The following BMP7 variants were observed in gnomAD, a reference collection of about 807,000 sequenced individuals.
BMP7 encodes osteogenic protein 1.
BMP7 carries 12 observed loss-of-function variants against 41.2 expected under a neutral mutation model. That is an observed-to-expected ratio of 0.29 (90% confidence interval 0.19 to 0.47). The LOEUF (loss-of-function observed/expected upper bound fraction) is 0.47. Ranked by LOEUF, BMP7 falls within the 20% of genes least tolerant of loss-of-function variation. The probability of loss-of-function intolerance (pLI) is 0.99; values close to 1 mark genes in which losing one functional copy is unlikely to be tolerated. For missense variants in BMP7, 467 were observed against 606.0 expected (o/e 0.77, Z 2.41); for synonymous variants, 248 against 250.0 (o/e 0.99, Z 0.07).
Position 57,259,214 on chromosome 20 carries a change from C to T in BMP7, c.418+6491G>A, listed in dbSNP as rs904365734. 1.3e-5 allele frequency among the ~76,000 whole-genome samples: 2 copies of T among 151,870 alleles called. No individual in the cohort carries two copies. The highest frequency in any genetic ancestry group is 2.9e-5 in the Non-Finnish European group (2 of 67,974). On this transcript the variant is annotated intron_variant, in intron 1 of 6. Transcript: ENST00000395863. This position sits in a 1 kb window ranked among gnomAD's most constrained non-coding sequence, Gnocchi z 4.7. ...TTACACGGCAGTGAAGCCCCCAATC[C>T]CCCACCCCATATATCACCCAGAATT...
intron 2 of BMP7, among the ~76,000 whole-genome samples, chr20:57,226,732 C>T (rs2066008006): frequency 6.6e-6 from 1 of 152,186 alleles, no homozygotes. Flanking sequence ...TCAGGGACCA[C>T]CTCAGCAGGG....
At chr20:57,256,246 A>C (rs913733921) in intron 1 of BMP7, among the ~76,000 whole-genome samples, 8 of 152,224 alleles carry the variant, frequency 5.3e-5, no homozygotes, top group Non-Finnish European at 1.0e-4. Context: ...CAATCATGGG[A>C]GTTCACTAGC....
chr20:57,200,595 G>C (rs1330782257), intron 3 of BMP7, among the ~76,000 whole-genome samples: 1 of 152,178 alleles, frequency 6.6e-6, no homozygotes, highest in Non-Finnish European at 1.5e-5. Flanking sequence ...CCAGTTGGAA[G>C]GTTTCCCCAA....
intron 1 of BMP7, among the ~76,000 whole-genome samples, chr20:57,247,593 C>A (rs1998190): frequency 0.59 from 89,480 of 152,078 alleles, 29,075 homozygotes; most frequent in African/African-American, 0.88. Context: ...AAGCAGAAGG[C>A]ATATAGGTGC....
At chr20:57,232,883 ACACACACACACACAC>A (rs2123121734) in intron 1 of BMP7, among the ~76,000 whole-genome samples, 1 of 151,942 alleles carries the variant, frequency 6.6e-6, no homozygotes, top group African/African-American at 2.4e-5. Context: ...ACACACACAC[ACACACACACACACAC>A]AAATAAGCAG....
At chr20:57,210,084 C>G (rs1034296659) in intron 2 of BMP7, among the ~76,000 whole-genome samples, 5 of 152,162 alleles carry the variant, frequency 3.3e-5, no homozygotes, top group Non-Finnish European at 7.3e-5. Flanking sequence ...CAGGCTGTTT[C>G]TGATTAAAGA....
At position 57,213,237 on chromosome 20, in the gene BMP7, C is replaced by T. The variant is rs759370815; in HGVS notation, c.612-10614G>A. Among the ~76,000 whole-genome samples the T allele has an allele frequency of 3.3e-5, 5 of 152,218 alleles. No individual in the cohort carries two copies. Among genetic ancestry groups the T allele is most frequent in the Admixed American group, 2.6e-4 (4 of 15,282 alleles). ...GTCAGGAAGATGCCCGTCCAGCACC[C>T]GGAGGCCAGCGTTGTCACAGTCAGA... is the stretch of plus-strand genomic sequence containing the variant. On this transcript the variant is annotated intron_variant, in intron 2 of 6. Transcript: ENST00000395863. The surrounding 1 kb of genome is among the most constrained non-coding windows in gnomAD (Gnocchi z 4.4).
At chr20:57,255,750 A>G (rs1392709813) in intron 1 of BMP7, among the ~76,000 whole-genome samples, 1 of 138,534 alleles carries the variant, frequency 7.2e-6, no homozygotes, top group Non-Finnish European at 1.5e-5. Flanking sequence ...CAGTGAGTGG[A>G]GATCATGCCA....
At chr20:57,250,688 C>G (rs894092718) in intron 1 of BMP7, among the ~76,000 whole-genome samples, 3 of 151,984 alleles carry the variant, frequency 2.0e-5, no homozygotes, top group African/African-American at 7.3e-5. Context: ...TATTGATGTG[C>G]TTTTTTTGGA....
intron 1 of BMP7, among the ~76,000 whole-genome samples, chr20:57,258,803 T>C (rs1411680022): frequency 6.6e-6 from 1 of 152,196 alleles, no homozygotes; most frequent in Non-Finnish European, 1.5e-5. Flanking sequence ...TAAAATAACA[T>C]GGGCAGTTTA....
At chr20:57,227,016 G>A (rs11697021) in intron 2 of BMP7, among the ~76,000 whole-genome samples, 25,827 of 151,900 alleles carry the variant, frequency 0.17, 2,535 homozygotes, top group East Asian at 0.33. Context: ...TAGTAGAGAC[G>A]GGGTTTCACC....
intron 1 of BMP7, among the ~76,000 whole-genome samples, chr20:57,260,522 G>A (rs1296164034): frequency 1.3e-5 from 2 of 152,206 alleles, no homozygotes; most frequent in Non-Finnish European, 2.9e-5. Flanking sequence ...CAGTTTCTAT[G>A]TAAATATTGG....
At chr20:57,200,632 A>G (rs1473487251) in intron 3 of BMP7, among the ~76,000 whole-genome samples, 1 of 152,214 alleles carries the variant, frequency 6.6e-6, no homozygotes, top group Non-Finnish European at 1.5e-5. Context: ...GAAATGTGTT[A>G]CTAAAAATAG....
chr20:57,228,302 A>C lies in BMP7; in HGVS notation c.538T>G (p.Tyr180Asp), dbSNP rs766922827. 6.2e-7 allele frequency: 1 copy of C among 1,614,142 alleles called. No homozygotes were observed. Among genetic ancestry groups the C allele is most frequent in the Middle Eastern group, 1.7e-4 (1 of 6,060 alleles). The change falls in exon 2 of 7, where the codon TAC becomes GAC. Residue 180 changes from tyrosine to aspartate, a missense_variant. Physicochemically the swap from Tyr to Asp is radical, Grantham distance 160. This residue lies in a region of BMP7 where 407 missense variants were observed against 485.9 expected (regional missense o/e 0.84). Coordinates refer to ENST00000395863, the MANE Select transcript of BMP7 (RefSeq NM_001719.3). This position sits in a 1 kb window ranked among gnomAD's most constrained non-coding sequence, Gnocchi z 4.5. ...TAAEFRIYKD[Y>D]IRERFDNETF... ...TCATTGTCGAAGCGTTCCCGGATGT[A>C]GTCCTTGTAGATCCGGAATTCGGCT...
At chr20:57,262,044 T>C (rs957972966) in intron 1 of BMP7, among the ~76,000 whole-genome samples, 4 of 152,230 alleles carry the variant, frequency 2.6e-5, no homozygotes, top group Non-Finnish European at 5.9e-5. Flanking sequence ...CTTCTTTTCC[T>C]TCAAAGATTA....
intron 1 of BMP7, among the ~76,000 whole-genome samples, chr20:57,245,637 T>TC (rs1273349491): frequency 1.3e-5 from 1 of 76,224 alleles, no homozygotes; most frequent in East Asian, 3.4e-4. Flanking sequence ...GATTAGTGAT[T>TC]TTTTTTTTTT....
At chr20:57,200,438 G>A (rs1200570920) in intron 3 of BMP7, among the ~76,000 whole-genome samples, 1 of 152,162 alleles carries the variant, frequency 6.6e-6, no homozygotes, top group African/African-American at 2.4e-5. Flanking sequence ...GGTGAAAGGG[G>A]CAAAAGGACT....
intron 4 of BMP7, among the ~76,000 whole-genome samples, chr20:57,179,452 G>A (rs1984020081): frequency 6.6e-6 from 1 of 152,250 alleles, no homozygotes; most frequent in Non-Finnish European, 1.5e-5. Context: ...GGGTCCAAAC[G>A]TGGGTGGGGA....
intron 1 of BMP7, among the ~76,000 whole-genome samples, chr20:57,238,576 G>A (rs972854831): frequency 2.2e-4 from 33 of 152,234 alleles, no homozygotes; most frequent in African/African-American, 7.2e-4. Flanking sequence ...GCCGGCAGTC[G>A]GGAAGGGTTC....
Sources: allele counts gnomAD v4.1 joint callset (sites outside exome capture counted in the v4.1 genomes callset), GRCh38; gene constraint gnomAD v4.1.1; regional missense constraint gnomAD v4.1.1; non-coding constraint Gnocchi (gnomAD v3.1); transcripts MANE v1.5; gene names NCBI Gene and HGNC (gene_info 2026-07-23, HGNC 2026-07-21).